The following COL4A3 variants were observed in gnomAD, a reference collection of about 807,000 sequenced individuals.
COL4A3 encodes collagen alpha-3(IV) chain.
In COL4A3, 135 loss-of-function variants were observed where a neutral mutation model predicts 217.4. That is an observed-to-expected ratio of 0.62 (90% CI 0.54 to 0.72). The LOEUF is 0.72. Among genes scored for constraint, COL4A3 ranks in the 30% least tolerant of loss-of-function variants. COL4A3 has a pLI of 0.00. For missense variants in COL4A3, 1,868 were observed against 2,119.9 expected, an observed-to-expected ratio of 0.88 and a Z score of 2.33; for synonymous variants, 690 against 736.3, an observed-to-expected ratio of 0.94 and a Z score of 1.02.
rs2065145679 is a variant in COL4A3 at position 227,164,756 on chromosome 2, G to A, written c.30G>A (p.Gln10=). The part of the protein sequence containing the change: MSARTAPRP[Q]VLLLPLLLVL... ...GCGCCCGGACCGCCCCCAGGCCGCA[G>A]GTGCTCCTGCTGCCGCTCCTGCTGG... The change falls in exon 1 of 52, where the codon CAG becomes CAA. Residue 10 remains glutamine (Q), a synonymous_variant. Coordinates refer to ENST00000396578, the MANE Select transcript of COL4A3 (RefSeq NM_000091.5). The surrounding 1 kb of genome is among the most constrained non-coding windows in gnomAD (Gnocchi z 4.8). 3.3e-6 allele frequency: 5 copies of A among 1,525,780 alleles called. No individual in the cohort carries two copies. Among genetic ancestry groups the A allele is most frequent in the Non-Finnish European group, 4.4e-6 (5 of 1,143,494 alleles). The allele number at this position is 1,525,780 out of a possible 1,614,324, so 94.5% of individuals were successfully genotyped here.
intron 46 of COL4A3, among the ~76,000 whole-genome samples, chr2:227,304,641 C>T (rs565154546): frequency 6.6e-6 from 1 of 152,110 alleles, no homozygotes; most frequent in Non-Finnish European, 1.5e-5. Flanking sequence ...AATGATTATG[C>T]CTTAAGTTTG....
At chr2:227,288,131 T>C (rs1284962232) in intron 34 of COL4A3, among the ~76,000 whole-genome samples, 2 of 152,228 alleles carry the variant, frequency 1.3e-5, no homozygotes, top group Non-Finnish European at 2.9e-5. Context: ...AGTCTCGCTC[T>C]GTCACCCCGG....
chr2:227,231,817 C>G (rs185667254), intron 1 of COL4A3, among the ~76,000 whole-genome samples: 2 of 151,968 alleles, frequency 1.3e-5, no homozygotes. Context: ...TAGGCGTGAA[C>G]CCTCGTGCCT....
intron 1 of COL4A3, among the ~76,000 whole-genome samples, chr2:227,218,777 G>C (rs767786204): frequency 6.6e-6 from 1 of 152,106 alleles, no homozygotes; most frequent in Admixed American, 6.5e-5. Flanking sequence ...GATGCTTAAC[G>C]TTTAGAAATC....
chr2:227,214,052 G>A (rs2067433904), intron 1 of COL4A3, among the ~76,000 whole-genome samples: 1 of 152,146 alleles, frequency 6.6e-6, no homozygotes. Flanking sequence ...TGCATTTGAG[G>A]ATTAGTTCTG....
chr2:227,214,629 A>G (rs922407231), intron 1 of COL4A3, among the ~76,000 whole-genome samples: 3 of 152,156 alleles, frequency 2.0e-5, no homozygotes, highest in Non-Finnish European at 4.4e-5. Flanking sequence ...TCCTATTGCT[A>G]TCTCTGGGCA....
chr2:227,239,264 A>G (rs1574656240), intron 2 of COL4A3, among the ~76,000 whole-genome samples: 1 of 152,336 alleles, frequency 6.6e-6, no homozygotes, highest in East Asian at 1.9e-4. Context: ...GCAGTATAAC[A>G]ACCATTTGCA....
At chr2:227,304,389 T>A (rs2073418033) in intron 46 of COL4A3, 4 of 483,966 alleles carry the variant, frequency 8.3e-6, no homozygotes, top group Non-Finnish European at 1.5e-5. Flanking sequence ...GCATGTTTTT[T>A]TTATTATTTT....
chr2:227,251,973 G>T (rs1397100725), intron 11 of COL4A3, among the ~76,000 whole-genome samples: 2 of 148,492 alleles, frequency 1.3e-5, no homozygotes, highest in African/African-American at 5.0e-5. Flanking sequence ...GGGGGCTGAG[G>T]CAGGAAAATC....
In COL4A3 at chr2:227,284,306, T is replaced by C; in HGVS notation, c.2842T>C (p.Ser948Pro). Residue 948 changes from serine (S) to proline (P), a missense_variant, in exon 34 of 52, where the codon TCC becomes CCC. Transcript: ENST00000396578. ...DKGNPGPSEI[S>P]HVIGDKGEPG... ...AGGAAATCCCGGGCCTTCAGAGATA[T>C]CCCACGTAATAGGGGACAAAGGAGA... 1 of 1,613,950 alleles carries C rather than the reference T, an allele frequency of 6.2e-7. No homozygotes were observed. Among genetic ancestry groups the C allele is most frequent in the African/African-American group, 1.3e-5 (1 of 75,012 alleles).
chr2:227,235,276 A>T (rs1013563117), intron 1 of COL4A3, among the ~76,000 whole-genome samples: 1 of 152,224 alleles, frequency 6.6e-6, no homozygotes, highest in Non-Finnish European at 1.5e-5. Context: ...GTGGTTGAAA[A>T]GAGCATTAAA....
chr2:227,179,785 A>C (rs1234204343), intron 1 of COL4A3, among the ~76,000 whole-genome samples: 2 of 152,228 alleles, frequency 1.3e-5, no homozygotes, highest in Non-Finnish European at 2.9e-5. Flanking sequence ...TATGCAATCA[A>C]GTGATGGGCT....
intron 1 of COL4A3, among the ~76,000 whole-genome samples, chr2:227,230,021 A>G (rs1353001621): frequency 1.3e-5 from 2 of 149,674 alleles, no homozygotes; most frequent in Non-Finnish European, 3.0e-5. Context: ...ACTGCACTCC[A>G]GCCTGGGCAA....
chr2:227,249,229 TA>T lies in COL4A3; in HGVS notation c.546+710del, dbSNP rs200116203. ...ATTAGCTAGTATATATATATATATA[TA>T]TTTTTTTTTTTTTTTTTTTTTTTGA... On this transcript the variant is annotated intron_variant, in intron 9 of 51. Coordinates refer to ENST00000396578, the MANE Select transcript of COL4A3 (RefSeq NM_000091.5). Among the ~76,000 whole-genome samples, 429 of 46,792 alleles carry T rather than the reference TA, an allele frequency of 9.2e-3. 36 individuals are homozygous for T. The highest frequency in any genetic ancestry group is 0.03 in the African/African-American group (400 of 13,212). 30.7% of individuals were successfully genotyped at this position (46,792 alleles called of 152,430 possible).
At chr2:227,245,894 C>T in intron 5 of COL4A3, 60 bp from the exon 6 acceptor site, 4 of 1,236,536 alleles carry the variant, frequency 3.2e-6, no homozygotes, top group Non-Finnish European at 4.8e-6. Context: ...CATCTTTTCC[C>T]TTGGGTTCAG....
At chr2:227,277,660 A>C in intron 28 of COL4A3, 107 bp downstream of exon 28, 1 of 709,136 alleles carries the variant, frequency 1.4e-6, no homozygotes, top group Non-Finnish European at 2.4e-6. Context: ...TAAATAGGAT[A>C]TAAGATATAA....
chr2:227,202,070 C>T (rs998944015), intron 1 of COL4A3, among the ~76,000 whole-genome samples: 17 of 152,188 alleles, frequency 1.1e-4, no homozygotes, highest in African/African-American at 4.1e-4. Context: ...GTTAGCAACA[C>T]AAAAATCCAG....
At chr2:227,238,449 C>T (rs2068824306) in intron 2 of COL4A3, among the ~76,000 whole-genome samples, 1 of 152,086 alleles carries the variant, frequency 6.6e-6, no homozygotes, top group Non-Finnish European at 1.5e-5. Flanking sequence ...CAAGTTCGCC[C>T]CCTGGTGGAG....
chr2:227,290,527 C>T (rs898253533), intron 36 of COL4A3, among the ~76,000 whole-genome samples: 1 of 151,856 alleles, frequency 6.6e-6, no homozygotes, highest in Non-Finnish European at 1.5e-5. Context: ...ACAAAAAAAA[C>T]AGATTTCCTA....
Sources: allele counts gnomAD v4.1 joint callset (sites outside exome capture counted in the v4.1 genomes callset), GRCh38; gene constraint gnomAD v4.1.1; non-coding constraint Gnocchi (gnomAD v3.1); transcripts MANE v1.5; gene names NCBI Gene and HGNC (gene_info 2026-07-23, HGNC 2026-07-21).